Variants in LARS2 observed in about 807,000 individuals in gnomAD.
The protein encoded by LARS2 is leucine--tRNA ligase, mitochondrial.
In LARS2, 81 loss-of-function variants were observed where a neutral mutation model predicts 116.6. The observed-to-expected ratio is 0.69, with a 90% confidence interval of 0.58 to 0.84. The LOEUF is 0.84. Ranked by LOEUF, LARS2 falls within the 40% of genes least tolerant of loss-of-function variation. LARS2 has a pLI of 0.00. For synonymous variants in LARS2, 396 were observed against 407.2 expected (o/e 0.97, Z 0.33); for missense variants, 968 against 1,114.5 (o/e 0.87, Z 1.87).
intron 3 of LARS2, 55 bp from the exon 4 acceptor site, chr3:45,400,190 A>G: frequency 6.5e-7 from 1 of 1,541,904 alleles, no homozygotes; most frequent in South Asian, 1.2e-5. Context: ...TATTATGTAT[A>G]CATGCAGAGT....
chr3:45,412,039 G>C (rs1398687006), intron 4 of LARS2, among the ~76,000 whole-genome samples: 1 of 152,232 alleles, frequency 6.6e-6, no homozygotes, highest in Non-Finnish European at 1.5e-5. Flanking sequence ...TTTTACGGCT[G>C]CATAGTATTC....
At chr3:45,448,835 A>G (rs1049548000) in intron 7 of LARS2, among the ~76,000 whole-genome samples, 2 of 152,226 alleles carry the variant, frequency 1.3e-5, no homozygotes, top group African/African-American at 4.8e-5. Context: ...TGATAAACCC[A>G]CAATCTTCCA....
chr3:45,529,603 C>T (rs1411806878), intron 20 of LARS2, among the ~76,000 whole-genome samples: 1 of 151,814 alleles, frequency 6.6e-6, no homozygotes, highest in African/African-American at 2.4e-5. Context: ...AAATTATTTC[C>T]TAAGAACACA....
intron 4 of LARS2, among the ~76,000 whole-genome samples, chr3:45,405,687 A>G (rs960359313): frequency 2.6e-5 from 4 of 152,206 alleles, no homozygotes; most frequent in African/African-American, 7.2e-5. Flanking sequence ...AGGTTCATCA[A>G]TCAGGAAAAA....
intron 15 of LARS2, among the ~76,000 whole-genome samples, chr3:45,512,175 G>A (rs942523233): frequency 6.6e-6 from 1 of 152,134 alleles, no homozygotes; most frequent in African/African-American, 2.4e-5. Flanking sequence ...TTTACCTTGA[G>A]CAACCAAAGC....
chr3:45,509,260 A>G (rs1700246514), intron 15 of LARS2: 1 of 152,108 alleles, frequency 6.6e-6, no homozygotes, highest in African/African-American at 2.4e-5. Context: ...GTGCACAGTC[A>G]CTATGATGAA....
intron 3 of LARS2, among the ~76,000 whole-genome samples, chr3:45,396,726 G>A (rs774843159): frequency 6.6e-5 from 10 of 152,168 alleles, no homozygotes; most frequent in African/African-American, 1.7e-4. Context: ...ACAACCCAGC[G>A]GGTAGGTATT....
intron 7 of LARS2, among the ~76,000 whole-genome samples, chr3:45,448,327 G>T (rs1252621884): frequency 6.6e-6 from 1 of 152,194 alleles, no homozygotes; most frequent in Non-Finnish European, 1.5e-5. Context: ...AGCTCTGGCT[G>T]GTAGGGCCTG....
chr3:45,507,681 C>T (rs1332512047), intron 15 of LARS2, among the ~76,000 whole-genome samples: 5 of 151,882 alleles, frequency 3.3e-5, no homozygotes, highest in African/African-American at 1.2e-4. Flanking sequence ...ATAGAAAAAG[C>T]AAGATACAGC....
At chr3:45,527,718 C>G (rs1400563194) in intron 20 of LARS2, among the ~76,000 whole-genome samples, 1 of 152,092 alleles carries the variant, frequency 6.6e-6, no homozygotes, top group East Asian at 1.9e-4. Context: ...TCATATCTGC[C>G]TAGAGAAGGG....
At chr3:45,430,272 A>AATCTTTTTTTTTTTTT in intron 6 of LARS2, among the ~76,000 whole-genome samples, 1 of 96,798 alleles carries the variant, frequency 1.0e-5, no homozygotes, top group Non-Finnish European at 2.1e-5. Flanking sequence ...GCACCCGGCC[A>AATCTTTTTTTTTTTTT]TTTTTTTTTT....
intron 8 of LARS2, among the ~76,000 whole-genome samples, chr3:45,473,375 TTTTTG>T (rs1699559361): frequency 6.8e-6 from 1 of 147,650 alleles, no homozygotes; most frequent in East Asian, 2.0e-4. Flanking sequence ...TGTGTTTTTG[TTTTTG>T]TTTTGTTTTT....
intron 21 of LARS2, among the ~76,000 whole-genome samples, chr3:45,542,466 A>G (rs1700813504): frequency 6.6e-6 from 1 of 152,218 alleles, no homozygotes; most frequent in African/African-American, 2.4e-5. Context: ...AAGAGCAAGT[A>G]ACCCCCTTAT....
chr3:45,478,619 T>G (rs1301622240), intron 10 of LARS2, among the ~76,000 whole-genome samples: 2 of 152,272 alleles, frequency 1.3e-5, no homozygotes, highest in Non-Finnish European at 2.9e-5. Flanking sequence ...TAGTGCCAAG[T>G]GTAATGTTCC....
rs78799774 is a variant in LARS2 at position 45,445,249 on chromosome 3, A to G, written c.517-1642A>G. Reference sequence around the variant, plus strand: ...TGTGCCAGGACCTGAGCATACTACAATGAGCAAAATGAAATAGACCAAACA... The same window carrying G: ...TGTGCCAGGACCTGAGCATACTACAGTGAGCAAAATGAAATAGACCAAACA... On this transcript the variant is annotated intron_variant, in intron 6 of 21. Coordinates refer to ENST00000645846, the MANE Select transcript of LARS2 (RefSeq NM_015340.4). Among the ~76,000 whole-genome samples, 1,430 of 152,342 alleles carry G rather than the reference A, an allele frequency of 9.4e-3. 8 individuals are homozygous for G. Among genetic ancestry groups the G allele is most frequent in the Non-Finnish European group, 0.012 (845 of 68,032 alleles).
intron 15 of LARS2, among the ~76,000 whole-genome samples, chr3:45,512,217 C>A (rs554427711): frequency 6.6e-6 from 1 of 152,316 alleles, no homozygotes; most frequent in African/African-American, 2.4e-5. Context: ...GGGAACATCA[C>A]TGGATCTCCA....
chr3:45,456,736 A>G (rs541175432), intron 7 of LARS2, among the ~76,000 whole-genome samples: 2 of 152,212 alleles, frequency 1.3e-5, no homozygotes, highest in Non-Finnish European at 2.9e-5. Context: ...TTATTAAGTC[A>G]AGGCTTTTGG....
At chr3:45,501,923 AT>A (rs921701314) in intron 15 of LARS2, among the ~76,000 whole-genome samples, 44 of 151,490 alleles carry the variant, frequency 2.9e-4, no homozygotes, top group African/African-American at 1.0e-3. Flanking sequence ...CAAGACACCG[AT>A]TTTTTTTTAA....
chr3:45,406,075 T>G (rs1001017058), intron 4 of LARS2, among the ~76,000 whole-genome samples: 1 of 152,194 alleles, frequency 6.6e-6, no homozygotes, highest in Non-Finnish European at 1.5e-5. Context: ...TATTCTTATC[T>G]TGGGTGATCT....
Sources: allele counts gnomAD v4.1 joint callset (sites outside exome capture counted in the v4.1 genomes callset), GRCh38; gene constraint gnomAD v4.1.1; transcripts MANE v1.5; gene names NCBI Gene and HGNC (gene_info 2026-07-23, HGNC 2026-07-21).